FAM161A: variants seen among roughly 807,000 people sequenced by gnomAD.
FAM161A encodes the protein FAM161 centrosomal protein A.
Under a neutral mutation model 70.9 loss-of-function variants are expected in FAM161A, and 57 were observed. The ratio of observed to expected loss-of-function variants is 0.80; its 90% CI spans 0.65 to 1.00. The LOEUF is 1.00. FAM161A is among the 50% of genes least tolerant of loss of function. The pLI, the probability that FAM161A is intolerant of heterozygous loss-of-function variation, is 0.00. For synonymous variants in FAM161A, 299 were observed against 295.7 expected (o/e 1.01, Z -0.12); for missense variants, 880 against 836.0 (o/e 1.05, Z -0.65).
At chr2:61,800,764 TGGCATAAAATGTGTCTTAAAGATG>T in the FAM161A span, among the ~76,000 whole-genome samples, 2 of 152,212 alleles carry the variant, frequency 1.3e-5, no homozygotes, top group African/African-American at 2.4e-5. Flanking sequence ...TCTGCCACAT[TGGCATAAAATGTGTCTTAAAGATG>T]CTCATTATAA....
At chr2:61,812,370 T>C in the FAM161A span, among the ~76,000 whole-genome samples, 4 of 152,222 alleles carry the variant, frequency 2.6e-5, no homozygotes, top group Non-Finnish European at 4.4e-5. Flanking sequence ...TTTATATGGA[T>C]TATTTATAAG....
At chr2:61,831,007 G>A (rs1672553773) in intron 5 of FAM161A, among the ~76,000 whole-genome samples, 2 of 151,178 alleles carry the variant, frequency 1.3e-5, no homozygotes. Flanking sequence ...AGATACTCAG[G>A]AGGCTAAGGC....
rs572436848 is a variant in FAM161A, at chr2:61,842,127, A to T, written c.417T>A (p.Ser139=). ...ACATTGAGTTACAAGCTTACCTGGAAGAGTCACTAAGAGAGTCTTCTCTGA... is the reference window on the plus strand; with the variant it reads ...ACATTGAGTTACAAGCTTACCTGGATGAGTCACTAAGAGAGTCTTCTCTGA... ...VVIREDSLSD[S]SRSVSEKNSY... The change falls in exon 2 of 7, where the codon TCT becomes TCA. Residue 139 remains serine (S), a synonymous_variant. Coordinates refer to ENST00000404929, the MANE Select transcript of FAM161A (RefSeq NM_001201543.2). The T allele has an allele frequency of 7.2e-5, 111 of 1,544,106 alleles. 1 individual carries two copies. In the South Asian group the frequency reaches 1.1e-3, roughly 16 times the overall value.
At chr2:61,849,026 TTATA>T (rs374065105) in intron 1 of FAM161A, among the ~76,000 whole-genome samples, 2 of 4,894 alleles carry the variant, frequency 4.1e-4, no homozygotes, top group African/African-American at 1.7e-3. Flanking sequence ...TTATATATAT[TTATA>T]TATATATTTA....
Position 61,843,967 on chromosome 2 carries a change from C to T in FAM161A, c.184-1607G>A, listed in dbSNP as rs557026412. Among the ~76,000 whole-genome samples, 11 of 152,104 alleles carry T rather than the reference C, an allele frequency of 7.2e-5. No homozygotes were observed. The South Asian group carries it at 2.3e-3, about 32-fold the overall frequency. On this transcript the variant is annotated intron_variant, in intron 1 of 6. Transcript: ENST00000404929. ...GACAATCCTGGCTAACATGGCAAAA[C>T]CCCATCTCTACTAAAAATACAAAAA...
chr2:61,829,294 G>A (rs528262485), intron 5 of FAM161A, among the ~76,000 whole-genome samples: 3 of 152,232 alleles, frequency 2.0e-5, no homozygotes, highest in African/African-American at 7.2e-5. Context: ...CTTGAGCAAC[G>A]TAGTTGTCAG....
chr2:61,839,622 GC>G lies in FAM161A; in HGVS notation c.1381del (p.Ala461HisfsTer23). 1 of 1,614,194 alleles carries G rather than the reference GC, an allele frequency of 6.2e-7. No individual in the cohort carries two copies. The highest frequency in any genetic ancestry group is 1.1e-5 in the South Asian group (1 of 91,088). On this transcript the variant is annotated frameshift_variant, in exon 3 of 7. Coordinates refer to ENST00000404929, the MANE Select transcript of FAM161A (RefSeq NM_001201543.2). LOFTEE classifies it high-confidence loss of function. ...LTVCKPFDLHASPHASIKREK... is the reference protein window; with the variant it reads ...LTVCKPFDLHXSPHASIKREK... ...TCTTTTAATAGATGCATGTGGAGAT[GC>G]ATGAAGATCAAATGGTTTACACACT...
At chr2:61,816,977 C>T in the FAM161A span, among the ~76,000 whole-genome samples, 1 of 152,116 alleles carries the variant, frequency 6.6e-6, no homozygotes, top group Non-Finnish European at 1.5e-5. Flanking sequence ...GAGAAATATG[C>T]TCCATTTGCT....
In FAM161A at chr2:61,839,410, T is replaced by A; in HGVS notation, c.1583+11A>T. The A allele has an allele frequency of 6.2e-7, 1 of 1,614,062 alleles. No homozygotes were observed. The highest frequency in any genetic ancestry group is 8.5e-7 in the Non-Finnish European group (1 of 1,179,928). ...CCATGAGTCAGTCAGTACTGCGTCC[T>A]ACTTACTTACCTTACGGCTTGTTCT... On this transcript the variant is annotated intron_variant, in intron 3 of 6. Coordinates refer to ENST00000404929, the MANE Select transcript of FAM161A (RefSeq NM_001201543.2).
At chr2:61,810,821 A>G in the FAM161A span, among the ~76,000 whole-genome samples, 1 of 151,998 alleles carries the variant, frequency 6.6e-6, no homozygotes, top group African/African-American at 2.4e-5. Context: ...GGCAATGGAG[A>G]GATCTTGCAG....
In FAM161A at chr2:61,827,107, T is replaced by A. The variant is rs535200072; in HGVS notation, c.2003A>T (p.Glu668Val). 41 of 1,613,702 alleles carry A rather than the reference T, an allele frequency of 2.5e-5. 1 individual carries two copies. In the South Asian group the frequency reaches 4.4e-4, roughly 17 times the overall value. ...QETKSVTEDK[E>V]SFNEEEKIEE... The stretch of plus-strand genomic sequence containing the variant: ...TCAGACATCTTATATATGTTACCTT[T>A]CTTTGTCTTCAGTGACACTTTTCGT... Residue 668 changes from glutamate (E) to valine (V), a missense_variant, in exon 6 of 7, where the codon GAA (glutamate) becomes GTA (valine). Transcript: ENST00000404929.
chr2:61,807,640 T>TC, the FAM161A span, among the ~76,000 whole-genome samples: 1 of 146,830 alleles, frequency 6.8e-6, no homozygotes, highest in African/African-American at 2.5e-5. Flanking sequence ...CAGATTTTTT[T>TC]TTTTTTTTTT....
intron 3 of FAM161A, 86 bp downstream of exon 3, chr2:61,839,335 T>C: frequency 8.1e-7 from 1 of 1,237,744 alleles, no homozygotes; most frequent in Non-Finnish European, 1.2e-6. Flanking sequence ...CTAAGTATTT[T>C]CAAATTTACC....
At chr2:61,830,455 T>C (rs1272123774) in intron 5 of FAM161A, among the ~76,000 whole-genome samples, 4 of 151,676 alleles carry the variant, frequency 2.6e-5, no homozygotes, top group Non-Finnish European at 5.9e-5. Context: ...CCGAGGCAGG[T>C]GGATCACTTG....
chr2:61,820,317 C>G, downstream of FAM161A: 1 of 737,356 alleles, frequency 1.4e-6, no homozygotes, highest in Admixed American at 1.8e-5. Context: ...GGGGAATGCT[C>G]ACAGGCTGTG....
Position 61,838,660 on chromosome 2 carries a change from C to G in FAM161A, c.1629G>C (p.Arg543=), listed in dbSNP as rs759630365. 7 of 1,609,692 alleles carry G rather than the reference C, an allele frequency of 4.3e-6. 1 individual carries two copies. In the South Asian group the frequency reaches 4.4e-5, roughly 10 times the overall value. ...EKKMLEEERN[R]ILTKQKQRMK... Reference sequence around the variant, plus strand: ...TTCTTTGCTTCTGTTTAGTTAGGATCCGATTTCTCTCTTCTTCCAACATTT... The same window carrying G: ...TTCTTTGCTTCTGTTTAGTTAGGATGCGATTTCTCTCTTCTTCCAACATTT... Residue 543 remains arginine (R), a synonymous_variant, in exon 4 of 7, where the codon CGG becomes CGC. Coordinates refer to ENST00000404929, the MANE Select transcript of FAM161A (RefSeq NM_001201543.2).
chr2:61,834,786 C>T (rs28678579), intron 5 of FAM161A, among the ~76,000 whole-genome samples: 1,977 of 151,538 alleles, frequency 0.013, 35 homozygotes, highest in African/African-American at 0.044. Context: ...AACAAACCTG[C>T]GCATATACTC....
At chr2:61,809,326 T>C in the FAM161A span, among the ~76,000 whole-genome samples, 1 of 152,132 alleles carries the variant, frequency 6.6e-6, no homozygotes, top group Non-Finnish European at 1.5e-5. Flanking sequence ...TCTGACCTCT[T>C]CTTTCTACAC....
At chr2:61,843,127 C>T (rs1365522804) in intron 1 of FAM161A, among the ~76,000 whole-genome samples, 6 of 140,626 alleles carry the variant, frequency 4.3e-5, no homozygotes, top group South Asian at 2.4e-4. Context: ...CCTTTACATA[C>T]CTTTCAGTTT....
Sources: gnomAD v4.1 joint callset for allele counts (sites outside exome capture counted in the v4.1 genomes callset) on GRCh38, gnomAD v4.1.1 for gene constraint, MANE v1.5 for transcripts, NCBI Gene and HGNC (gene_info 2026-07-23, HGNC 2026-07-21) for gene names.